The following LPCAT1 variants were observed in gnomAD, a reference collection of about 807,000 sequenced individuals.
The protein encoded by LPCAT1 is lysophosphatidylcholine acyltransferase 1.
Under a neutral mutation model 60.9 loss-of-function variants are expected in LPCAT1, and 23 were observed. The observed-to-expected ratio is 0.38, with a 90% CI of 0.27 to 0.53. LPCAT1 has a LOEUF of 0.53. LPCAT1 is among the 20% of genes least tolerant of loss of function. LPCAT1 has a pLI of 0.82. For synonymous variants in LPCAT1, 340 were observed against 301.1 expected, an observed-to-expected ratio of 1.13 and a Z score of -1.34; for missense variants, 622 against 723.6, an observed-to-expected ratio of 0.86 and a Z score of 1.61.
rs1734991090 is a variant in LPCAT1 at position 1,477,977 on chromosome 5, GCTCCTAGGA to G, written c.817-500_817-492del. Among the ~76,000 whole-genome samples the G allele has an allele frequency of 6.6e-6, 1 of 152,122 alleles. No individual in the cohort carries two copies. Among genetic ancestry groups the G allele is most frequent in the African/African-American group, 2.4e-5 (1 of 41,418 alleles). Reference sequence around the variant, plus strand: ...CTGATCTACACTCACCCCCGTCAGTGCTCCTAGGAGCTCCTGCTGCCTACATCAGAACAT... The same window carrying G: ...CTGATCTACACTCACCCCCGTCAGTGGCTCCTGCTGCCTACATCAGAACAT... On this transcript the variant is annotated intron_variant, in intron 8 of 13. Transcript: ENST00000283415. This position sits in a 1 kb window ranked among gnomAD's most constrained non-coding sequence, Gnocchi z 6.0.
At chr5:1,470,606 C>T (rs1006996800) in intron 12 of LPCAT1, among the ~76,000 whole-genome samples, 1 of 152,244 alleles carries the variant, frequency 6.6e-6, no homozygotes, top group African/African-American at 2.4e-5. Flanking sequence ...CTCAGCCATG[C>T]TTTCTGATGA....
Position 1,477,381 on chromosome 5 carries a change from G to A in LPCAT1, c.899+23C>T, listed in dbSNP as rs750936788. 2.5e-6 allele frequency: 4 copies of A among 1,605,126 alleles called. No homozygotes were observed. Among genetic ancestry groups the A allele is most frequent in the Non-Finnish European group, 8.5e-7 (1 of 1,172,464 alleles). On this transcript the variant is annotated intron_variant, in intron 9 of 13. Coordinates refer to ENST00000283415, the MANE Select transcript of LPCAT1 (RefSeq NM_024830.5). The surrounding 1 kb of genome is among the most constrained non-coding windows in gnomAD (Gnocchi z 6.0). ...TGGGAGACACCCCTGACTCGGCGATGGGGGAAGGAGCTGCTCACTTACTCG... is the reference window on the plus strand; with the variant it reads ...TGGGAGACACCCCTGACTCGGCGATAGGGGAAGGAGCTGCTCACTTACTCG...
At chr5:1,506,942 A>C (rs1236769255) in intron 1 of LPCAT1, among the ~76,000 whole-genome samples, 1 of 152,160 alleles carries the variant, frequency 6.6e-6, no homozygotes, top group Admixed American at 6.5e-5. Context: ...CTTCCACAGA[A>C]GCCCCCTTGG....
chr5:1,467,410 C>CAGCGGGG (rs1734463950), intron 12 of LPCAT1: 1 of 152,644 alleles, frequency 6.6e-6, no homozygotes, highest in South Asian at 2.1e-4. Flanking sequence ...GGGAGGGCTC[C>CAGCGGGG]AGCGGGGAGC....
At chr5:1,467,025 G>C (rs1265307162) in intron 12 of LPCAT1, 135 bp from the exon 13 acceptor site, 11 of 951,370 alleles carry the variant, frequency 1.2e-5, no homozygotes, top group African/African-American at 1.0e-4. Flanking sequence ...GCTGGACACG[G>C]GGGACTCGAA....
At chr5:1,471,803 C>G (rs1288824129) in intron 11 of LPCAT1, among the ~76,000 whole-genome samples, 1 of 150,092 alleles carries the variant, frequency 6.7e-6, no homozygotes, top group African/African-American at 2.5e-5. Context: ...AAGTGAGAAG[C>G]ACTCAGGACA....
intron 8 of LPCAT1, among the ~76,000 whole-genome samples, chr5:1,479,165 G>T (rs1179083114): frequency 3.3e-5 from 5 of 152,210 alleles, no homozygotes. Flanking sequence ...GGAGGCCAAG[G>T]CGGGAGGACT....
intron 3 of LPCAT1, among the ~76,000 whole-genome samples, chr5:1,491,460 G>C (rs1173025933): frequency 6.6e-6 from 1 of 151,612 alleles, no homozygotes; most frequent in Non-Finnish European, 1.5e-5. Context: ...CAGTGACGTG[G>C]GGGCGTTTCA....
rs2962060 is a variant in LPCAT1 at position 1,517,853 on chromosome 5, C to G, written c.135+5857G>C. 7.7e-3 allele frequency among the ~76,000 whole-genome samples: 1,170 copies of G among 152,366 alleles called. 16 individuals are homozygous for G. Among genetic ancestry groups the G allele is most frequent in the African/African-American group, 0.027 (1,123 of 41,586 alleles). On this transcript the variant is annotated intron_variant, in intron 1 of 13. Coordinates refer to ENST00000283415, the MANE Select transcript of LPCAT1 (RefSeq NM_024830.5). ...CTGTTCCCAGACAGGAGCCCCCACC[C>G]CTGGCAGTGCCTCCCCACACGGGGG...
chr5:1,463,627 C>A lies in LPCAT1; in HGVS notation c.*24G>T. On this transcript the variant is annotated 3_prime_UTR_variant, in exon 14 of 14. Transcript: ENST00000283415. ...GCGGTGATGTCCACGCGGGAGGGGC[C>A]GCGTCTCTCCGCAACCCTGGGTCCT... is the stretch of plus-strand genomic sequence containing the variant. 2 of 1,612,012 alleles carry A rather than the reference C, an allele frequency of 1.2e-6. No homozygotes were observed. The highest frequency in any genetic ancestry group is 1.7e-6 in the Non-Finnish European group (2 of 1,179,394).
intron 13 of LPCAT1, 37 bp from the exon 14 acceptor site, chr5:1,463,872 G>GAC: frequency 6.2e-7 from 1 of 1,605,026 alleles, no homozygotes; most frequent in Non-Finnish European, 8.5e-7. Flanking sequence ...ATGGAATGGG[G>GAC]ACGAGCAAAT....
intron 9 of LPCAT1, among the ~76,000 whole-genome samples, chr5:1,475,243 C>G (rs1216455538): frequency 6.6e-6 from 1 of 152,214 alleles, no homozygotes; most frequent in Non-Finnish European, 1.5e-5. Flanking sequence ...CTGAAGTTCC[C>G]CTTGGCAAAC....
Position 1,480,392 on chromosome 5 carries a change from C to T in LPCAT1, c.761+550G>A. The stretch of plus-strand genomic sequence containing the variant: ...CTTGGACTTTCCCGCTCCCTCTGCC[C>T]TCCCGACGTCAGCTCAGACGTCAGC... On this transcript the variant is annotated intron_variant, in intron 7 of 13. Transcript: ENST00000283415. This position sits in a 1 kb window ranked among gnomAD's most constrained non-coding sequence, Gnocchi z 6.4. 1.0e-6 allele frequency: 1 copy of T among 985,342 alleles called. No individual in the cohort carries two copies. Among genetic ancestry groups the T allele is most frequent in the Non-Finnish European group, 1.2e-6 (1 of 829,860 alleles). 61.0% of individuals were successfully genotyped at this position (985,342 alleles called of 1,614,324 possible). A position where few individuals can be genotyped will look rare whatever the true frequency, so the allele number is the denominator to read the frequency against.
chr5:1,490,024 A>G (rs2277002), intron 3 of LPCAT1, among the ~76,000 whole-genome samples, 166 bp from the exon 4 acceptor site: 16 of 152,244 alleles, frequency 1.1e-4, no homozygotes, highest in African/African-American at 3.9e-4. Flanking sequence ...GGGAACGGGA[A>G]CAGCACCCGG....
At chr5:1,468,653 GC>G (rs965813408) in intron 12 of LPCAT1, among the ~76,000 whole-genome samples, 1 of 152,230 alleles carries the variant, frequency 6.6e-6, no homozygotes, top group Non-Finnish European at 1.5e-5. Context: ...TTTTACCAGG[GC>G]CACATCTTAA....
rs1734164507 is a variant in LPCAT1, at chr5:1,462,951, CTGGAGAGAGGCCTGA to C, written c.*685_*699del. On this transcript the variant is annotated 3_prime_UTR_variant, in exon 14 of 14. Coordinates refer to ENST00000283415, the MANE Select transcript of LPCAT1 (RefSeq NM_024830.5). ...CCAGCGGAAGGAGAGGGATTACCTG[CTGGAGAGAGGCCTGA>C]TGGAAATTTAAGTCAAAGCCCAAAC... 1 of 151,562 alleles carries C rather than the reference CTGGAGAGAGGCCTGA, an allele frequency of 6.6e-6. No individual in the cohort carries two copies. The highest frequency in any genetic ancestry group is 2.1e-4 in the South Asian group (1 of 4,814). 9.4% of individuals were successfully genotyped at this position (151,562 alleles called of 1,614,324 possible). A position where few individuals can be genotyped will look rare whatever the true frequency, so the allele number is the denominator to read the frequency against.
chr5:1,492,428 G>A (rs1579789475), intron 3 of LPCAT1, among the ~76,000 whole-genome samples: 1 of 152,212 alleles, frequency 6.6e-6, no homozygotes, highest in East Asian at 1.9e-4. Context: ...TGCTCCAGGT[G>A]CGCAGTAGAG....
intron 5 of LPCAT1, 34 bp downstream of exon 5, chr5:1,488,357 A>G (rs573395312): frequency 7.3e-7 from 1 of 1,361,670 alleles, no homozygotes; most frequent in South Asian, 1.2e-5. Flanking sequence ...CCTTTTCTCT[A>G]GGAGAAAAAT....
intron 1 of LPCAT1, among the ~76,000 whole-genome samples, chr5:1,519,734 A>C (rs1736614718): frequency 6.6e-6 from 1 of 152,240 alleles, no homozygotes; most frequent in Non-Finnish European, 1.5e-5. Context: ...TTGGGCCTCT[A>C]CTGGGCCAAA....
Sources: allele counts gnomAD v4.1 joint callset (sites outside exome capture counted in the v4.1 genomes callset), GRCh38; gene constraint gnomAD v4.1.1; non-coding constraint Gnocchi (gnomAD v3.1); transcripts MANE v1.5; gene names NCBI Gene and HGNC (gene_info 2026-07-23, HGNC 2026-07-21).